Variants in LINC00237 observed in about 807,000 individuals in gnomAD.
LINC00237 encodes long intergenic non-protein coding RNA 237.
intron 3 of LINC00237, among the ~76,000 whole-genome samples, chr20:21,087,038 G>T (rs557604214): frequency 7.2e-6 from 1 of 139,604 alleles, no homozygotes; most frequent in African/African-American, 2.6e-5. Context: ...ATAGTATATA[G>T]AGTACATATA....
At chr20:21,088,484 C>A (rs2030744653) in intron 2 of LINC00237, among the ~76,000 whole-genome samples, 2 of 152,208 alleles carry the variant, frequency 1.3e-5, no homozygotes, top group African/African-American at 2.4e-5. Flanking sequence ...CTGGAGAAAT[C>A]TTGCTCCAGC....
chr20:21,087,575 C>A (rs2030731343), intron 3 of LINC00237: 1 of 152,144 alleles, frequency 6.6e-6, no homozygotes, highest in South Asian at 2.1e-4. Context: ...TCCCCATGAC[C>A]TTGCCAAAAT....
intron 2 of LINC00237, chr20:21,089,596 C>T (rs1600310082): frequency 6.6e-6 from 1 of 152,060 alleles, no homozygotes; most frequent in East Asian, 1.9e-4. Context: ...GGAGGGATGT[C>T]TAGTAAAAAT....
At chr20:21,097,300 T>A (rs1198939466) in intron 1 of LINC00237, among the ~76,000 whole-genome samples, 1 of 152,158 alleles carries the variant, frequency 6.6e-6, no homozygotes, top group Admixed American at 6.5e-5. Context: ...TATTCATAAC[T>A]TTTACATGCT....
chr20:21,100,356 G>A (rs1007511519), intron 1 of LINC00237, among the ~76,000 whole-genome samples: 1 of 152,218 alleles, frequency 6.6e-6, no homozygotes, highest in African/African-American at 2.4e-5. Flanking sequence ...GCTTGTAGAC[G>A]GACGCGGGCC....
At chr20:21,087,535 A>T (rs1002100215) in intron 3 of LINC00237, 2 of 152,162 alleles carry the variant, frequency 1.3e-5, no homozygotes, top group African/African-American at 4.8e-5. Flanking sequence ...TCCCAGTTAC[A>T]TCTCAATGGT....
intron 3 of LINC00237, chr20:21,087,916 C>T (rs2122166372): frequency 6.6e-6 from 1 of 152,286 alleles, no homozygotes; most frequent in Non-Finnish European, 1.5e-5. Flanking sequence ...TGGCAGCAAA[C>T]TCCTCCTGCC....
At chr20:21,099,442 C>A (rs577453331) in intron 1 of LINC00237, among the ~76,000 whole-genome samples, 1 of 152,252 alleles carries the variant, frequency 6.6e-6, no homozygotes, top group South Asian at 2.1e-4. Flanking sequence ...CAACTGTGAG[C>A]CTTCCTTGCA....
intron 1 of LINC00237, among the ~76,000 whole-genome samples, chr20:21,097,416 A>C (rs188744377): frequency 6.6e-6 from 1 of 152,278 alleles, no homozygotes; most frequent in Non-Finnish European, 1.5e-5. Context: ...TGAATTGTTT[A>C]TTGGAAAAAT....
chr20:21,087,667 C>T (rs1040520075), intron 3 of LINC00237: 10 of 152,068 alleles, frequency 6.6e-5, no homozygotes, highest in African/African-American at 1.9e-4. Context: ...GTTTGCATTC[C>T]CCCAGTCTCT....
intron 2 of LINC00237, among the ~76,000 whole-genome samples, chr20:21,092,442 T>C (rs1262747098): frequency 1.3e-5 from 2 of 152,150 alleles, no homozygotes; most frequent in African/African-American, 4.8e-5. Context: ...GATGCAGCAG[T>C]GGGAATGCCC....
chr20:21,100,532 T>C (rs979759174), intron 1 of LINC00237, among the ~76,000 whole-genome samples: 1 of 152,272 alleles, frequency 6.6e-6, no homozygotes, highest in African/African-American at 2.4e-5. Context: ...TTCCGTTTAC[T>C]TATTTTTTAG....
intron 1 of LINC00237, among the ~76,000 whole-genome samples, chr20:21,094,671 C>A (rs573018408): frequency 3.9e-5 from 6 of 152,262 alleles, no homozygotes; most frequent in African/African-American, 1.4e-4. Flanking sequence ...GCGGCTCACA[C>A]CGTAGTCCTA....
chr20:21,086,376 T>C (rs1307087024), intron 3 of LINC00237, among the ~76,000 whole-genome samples: 1 of 151,776 alleles, frequency 6.6e-6, no homozygotes, highest in Non-Finnish European at 1.5e-5. Flanking sequence ...TCGTTTGATA[T>C]TCCACTTCTC....
intron 3 of LINC00237, among the ~76,000 whole-genome samples, chr20:21,086,240 T>G (rs2030691282): frequency 6.6e-6 from 1 of 152,184 alleles, no homozygotes; most frequent in South Asian, 2.1e-4. Flanking sequence ...TGTTAGTGCC[T>G]TTGTTCACAA....
intron 3 of LINC00237, among the ~76,000 whole-genome samples, chr20:21,087,442 A>C (rs2030729023): frequency 6.6e-6 from 1 of 152,088 alleles, no homozygotes; most frequent in African/African-American, 2.4e-5. Context: ...GTCTCTATAA[A>C]TTTGTGCAAA....
intron 2 of LINC00237, among the ~76,000 whole-genome samples, chr20:21,089,065 G>T (rs184035271): frequency 5.7e-4 from 87 of 151,894 alleles, no homozygotes; most frequent in African/African-American, 2.1e-3. Context: ...GAGCAACATT[G>T]TCACAGTGAG....
At chr20:21,103,731 A>G (rs751633286) in intron 1 of LINC00237, among the ~76,000 whole-genome samples, 4 of 152,112 alleles carry the variant, frequency 2.6e-5, no homozygotes, top group African/African-American at 9.6e-5. Context: ...ATGTGCGCCA[A>G]CTCGCGCTCT....
intron 1 of LINC00237, among the ~76,000 whole-genome samples, chr20:21,097,373 TG>T (rs1269261942): frequency 6.6e-6 from 1 of 152,026 alleles, no homozygotes; most frequent in African/African-American, 2.4e-5. Flanking sequence ...AATGTACAAA[TG>T]GTCATTAAAA....
Sources: gnomAD v4.1 joint callset for allele counts (sites outside exome capture counted in the v4.1 genomes callset) on GRCh38, gnomAD v4.1.1 for gene constraint, MANE v1.5 for transcripts, NCBI Gene and HGNC (gene_info 2026-07-23, HGNC 2026-07-21) for gene names.